Variants in PCDHGA4 observed in about 807,000 individuals in gnomAD.
The protein encoded by PCDHGA4 is protocadherin gamma subfamily A, 4.
Under a neutral mutation model 54.6 loss-of-function variants are expected in PCDHGA4, and 38 were observed. That is an observed-to-expected ratio of 0.70 (90% CI 0.54 to 0.91). The LOEUF (loss-of-function observed/expected upper bound fraction) is 0.91. Among genes scored for constraint, PCDHGA4 ranks in the 40% least tolerant of loss-of-function variants. The pLI is 0.00. For synonymous variants in PCDHGA4, 511 were observed against 512.9 expected (o/e 1.00, Z 0.05); for missense variants, 1,298 against 1,220.9 (o/e 1.06, Z -0.94).
intron 1 of PCDHGA4, chr5:141,360,585 A>G: frequency 1.2e-6 from 2 of 1,614,006 alleles, no homozygotes; most frequent in Non-Finnish European, 8.5e-7. Context: ...AGCCAGGTAC[A>G]ACATTTCCAC....
rs1233637152 is a variant in PCDHGA4 at position 141,432,543 on chromosome 5, A to G, written c.2515-62264A>G. ...CTGGTGACCAAGGTGGTGGCGGTGGACAGAGACTCCGGCCAGAACGCCTGG... is the reference window on the plus strand; with the variant it reads ...CTGGTGACCAAGGTGGTGGCGGTGGGCAGAGACTCCGGCCAGAACGCCTGG... On this transcript the variant is annotated intron_variant, in intron 1 of 3. Transcript: ENST00000571252. This position sits in a 1 kb window ranked among gnomAD's most constrained non-coding sequence, Gnocchi z 6.0. 3 of 1,613,678 alleles carry G rather than the reference A, an allele frequency of 1.9e-6. No individual in the cohort carries two copies. In the African/African-American group the frequency reaches 4.0e-5, roughly 22 times the overall value.
intron 1 of PCDHGA4, chr5:141,484,966 G>C: frequency 1.7e-6 from 1 of 583,968 alleles, no homozygotes. Context: ...GAGCCCGGGA[G>C]CCGCTGTCTG....
At chr5:141,495,007 G>A in intron 2 of PCDHGA4, 142 bp downstream of exon 2, 4 of 1,522,158 alleles carry the variant, frequency 2.6e-6, no homozygotes, top group Non-Finnish European at 3.5e-6. Context: ...TTGGTGTGCG[G>A]GGGGCTGGCA....
Position 141,379,889 on chromosome 5 carries a change from C to CTTTTTTTT in PCDHGA4, c.2514+22291_2514+22298dup, listed in dbSNP as rs70988800. On this transcript the variant is annotated intron_variant, in intron 1 of 3. Transcript: ENST00000571252. ...CTTATTTTATGGTCTGTGAAAGCCT[C>CTTTTTTTT]TTTTTTTTTTTTTTTTTTTTTTTTT... Among the ~76,000 whole-genome samples the CTTTTTTTT allele has an allele frequency of 4.7e-3, 239 of 50,824 alleles. 36 individuals carry two copies. The highest frequency in any genetic ancestry group is 8.3e-3 in the African/African-American group (125 of 15,078). The allele number at this position is 50,824 out of a possible 152,430, so 33.3% of individuals were successfully genotyped here.
chr5:141,409,155 A>T, intron 1 of PCDHGA4: 1 of 1,614,036 alleles, frequency 6.2e-7, no homozygotes, highest in Non-Finnish European at 8.5e-7. Context: ...TACACCATGG[A>T]AGTGGAAGCG....
At chr5:141,478,488 G>A in intron 1 of PCDHGA4, 1 of 1,613,320 alleles carries the variant, frequency 6.2e-7, no homozygotes, top group Non-Finnish European at 8.5e-7. Context: ...ACGCTGCGGA[G>A]CTGTGATCCG....
intron 1 of PCDHGA4, chr5:141,399,663 G>C: frequency 6.2e-7 from 1 of 1,613,624 alleles, no homozygotes; most frequent in Non-Finnish European, 8.5e-7. Context: ...TGGTGTTCGC[G>C]CAGCGCGCCT....
intron 1 of PCDHGA4, among the ~76,000 whole-genome samples, chr5:141,473,948 A>ACC (rs2099333859): frequency 1.3e-5 from 2 of 152,182 alleles, no homozygotes; most frequent in Non-Finnish European, 2.9e-5. Context: ...TCAGGCCTGT[A>ACC]GTCCCATCTA....
chr5:141,431,424 G>T lies in PCDHGA4; in HGVS notation c.2515-63383G>T, dbSNP rs747132868. 6.8e-6 allele frequency: 11 copies of T among 1,613,676 alleles called. No homozygotes were observed. The highest frequency in any genetic ancestry group is 5.9e-6 in the Non-Finnish European group (7 of 1,180,028). On this transcript the variant is annotated intron_variant, in intron 1 of 3. Coordinates refer to ENST00000571252, the MANE Select transcript of PCDHGA4 (RefSeq NM_018917.4). The surrounding 1 kb of genome is among the most constrained non-coding windows in gnomAD (Gnocchi z 4.8). ...GCCTCCGACGGGGGCGACCCGGTGC[G>T]CACAGGCACCGCGCGCATCCGCGTG...
chr5:141,439,186 C>T (rs2098094521), intron 1 of PCDHGA4, among the ~76,000 whole-genome samples: 1 of 141,808 alleles, frequency 7.1e-6, no homozygotes, highest in Admixed American at 7.0e-5. Flanking sequence ...TAGTGAGACT[C>T]TGACAAAAAA....
At position 141,464,036 on chromosome 5, in the gene PCDHGA4, G is replaced by A. The variant is rs907276618; in HGVS notation, c.2515-30771G>A. On this transcript the variant is annotated intron_variant, in intron 1 of 3. Coordinates refer to ENST00000571252, the MANE Select transcript of PCDHGA4 (RefSeq NM_018917.4). ...ATCCCACACTTTGGGAGGCCAAGGC[G>A]GGTGGATCACCTGAGGTCAGGAGTT... Among the ~76,000 whole-genome samples the A allele has an allele frequency of 2.6e-5, 4 of 152,096 alleles. No individual in the cohort carries two copies. The East Asian group carries it at 5.8e-4, about 22-fold the overall frequency.
intron 1 of PCDHGA4, among the ~76,000 whole-genome samples, chr5:141,450,814 A>C (rs990515429): frequency 1.5e-5 from 2 of 136,790 alleles, no homozygotes; most frequent in Non-Finnish European, 3.1e-5. Context: ...TTATTTATTT[A>C]ATATTATTAT....
intron 1 of PCDHGA4, chr5:141,410,797 C>T: frequency 3.0e-6 from 2 of 675,992 alleles, no homozygotes; most frequent in South Asian, 3.2e-5. Flanking sequence ...TCATAAGTTG[C>T]TCTATCTTTT....
chr5:141,360,398 A>T, intron 1 of PCDHGA4: 1 of 1,613,926 alleles, frequency 6.2e-7, no homozygotes, highest in Non-Finnish European at 8.5e-7. Context: ...CTTGTGAGTG[A>T]CAGAATAGAC....
chr5:141,432,863 T>C lies in PCDHGA4; in HGVS notation c.2515-61944T>C, dbSNP rs762979829. On this transcript the variant is annotated intron_variant, in intron 1 of 3. Coordinates refer to ENST00000571252, the MANE Select transcript of PCDHGA4 (RefSeq NM_018917.4). This position sits in a 1 kb window ranked among gnomAD's most constrained non-coding sequence, Gnocchi z 6.0. ...GGTGGTAGCGGTGGCCGCGGTCTCCTGCGTCTTCCTGGCCTTCGTCATCTT... is the reference window on the plus strand; with the variant it reads ...GGTGGTAGCGGTGGCCGCGGTCTCCCGCGTCTTCCTGGCCTTCGTCATCTT... 20 of 1,614,192 alleles carry C rather than the reference T, an allele frequency of 1.2e-5. No individual in the cohort carries two copies. Among genetic ancestry groups the C allele is most frequent in the Admixed American group, 6.7e-5 (4 of 60,032 alleles).
chr5:141,445,825 G>A (rs1031190864), intron 1 of PCDHGA4, among the ~76,000 whole-genome samples: 8 of 152,124 alleles, frequency 5.3e-5, no homozygotes, highest in Non-Finnish European at 1.2e-4. Context: ...AATAAGGCAG[G>A]GAGAGCCTTG....
intron 1 of PCDHGA4, among the ~76,000 whole-genome samples, chr5:141,358,604 T>C (rs1760964834): frequency 1.3e-5 from 2 of 152,226 alleles, no homozygotes; most frequent in South Asian, 2.1e-4. Context: ...CCTGTGATTA[T>C]GAGAAATATT....
chr5:141,437,371 A>C (rs887976412), intron 1 of PCDHGA4, among the ~76,000 whole-genome samples: 1 of 152,262 alleles, frequency 6.6e-6, no homozygotes, highest in African/African-American at 2.4e-5. Context: ...GAATGTAATC[A>C]GTCAGAAGAC....
Position 141,477,230 on chromosome 5 carries a change from G to A in PCDHGA4, c.2515-17577G>A, listed in dbSNP as rs768648952. The A allele has an allele frequency of 1.3e-5, 21 of 1,614,164 alleles. No individual in the cohort carries two copies. The highest frequency in any genetic ancestry group is 1.8e-5 in the Non-Finnish European group (21 of 1,180,046). On this transcript the variant is annotated intron_variant, in intron 1 of 3. Coordinates refer to ENST00000571252, the MANE Select transcript of PCDHGA4 (RefSeq NM_018917.4). This position sits in a 1 kb window ranked among gnomAD's most constrained non-coding sequence, Gnocchi z 4.9. ...GGATGCCCCTCTGGGGACTGTCATC[G>A]CTTTGCTCAGTGTGACTGACCTGGA...
Sources: allele counts gnomAD v4.1 joint callset (sites outside exome capture counted in the v4.1 genomes callset), GRCh38; gene constraint gnomAD v4.1.1; non-coding constraint Gnocchi (gnomAD v3.1); transcripts MANE v1.5; gene names NCBI Gene and HGNC (gene_info 2026-07-23, HGNC 2026-07-21).